The following ARHGAP10 variants were observed in gnomAD, a reference collection of about 807,000 sequenced individuals.
The protein encoded by ARHGAP10 is Rho GTPase activating protein 10, also known as rho GTPase-activating protein 10.
In ARHGAP10, 87 loss-of-function variants were observed where a neutral mutation model predicts 108.6. The ratio of observed to expected loss-of-function variants is 0.80; its 90% CI spans 0.67 to 0.96. The LOEUF is 0.96. Among genes scored for constraint, ARHGAP10 ranks in the 40% least tolerant of loss-of-function variants. The pLI is 0.00. For missense variants in ARHGAP10, 939 were observed against 954.5 expected, an observed-to-expected ratio of 0.98 and a Z score of 0.21; for synonymous variants, 347 against 341.1, an observed-to-expected ratio of 1.02 and a Z score of -0.19.
At chr4:147,943,135 G>C (rs867541694) in intron 14 of ARHGAP10, among the ~76,000 whole-genome samples, 1 of 152,198 alleles carries the variant, frequency 6.6e-6, no homozygotes, top group Non-Finnish European at 1.5e-5. Context: ...AGGTAGAATT[G>C]TTATACATTC....
At chr4:147,824,801 A>G (rs1171517783) in intron 3 of ARHGAP10, among the ~76,000 whole-genome samples, 1 of 152,176 alleles carries the variant, frequency 6.6e-6, no homozygotes, top group Admixed American at 6.5e-5. Flanking sequence ...GGGATTATGG[A>G]GTTTACGCTT....
intron 13 of ARHGAP10, among the ~76,000 whole-genome samples, chr4:147,926,067 TG>T: frequency 6.6e-6 from 1 of 152,134 alleles, no homozygotes; most frequent in South Asian, 2.1e-4. Context: ...GGGGTGGTGT[TG>T]GTAGTGGTGA....
chr4:148,043,752 A>ATATGTGTATG (rs1380143837), intron 19 of ARHGAP10, among the ~76,000 whole-genome samples: 2 of 142,670 alleles, frequency 1.4e-5, no homozygotes, highest in African/African-American at 5.3e-5. Flanking sequence ...ATATGTATAT[A>ATATGTGTATG]TGTATATATA....
At chr4:147,897,935 G>C (rs1352387937) in intron 10 of ARHGAP10, among the ~76,000 whole-genome samples, 1 of 152,052 alleles carries the variant, frequency 6.6e-6, no homozygotes, top group Non-Finnish European at 1.5e-5. Flanking sequence ...CTCACTGCTA[G>C]CTCTGCCTCC....
chr4:148,059,439 T>A (rs531210445), intron 20 of ARHGAP10, among the ~76,000 whole-genome samples: 1 of 152,250 alleles, frequency 6.6e-6, no homozygotes, highest in African/African-American at 2.4e-5. Context: ...AATCCGTAGT[T>A]AAAGGGACAA....
At chr4:147,732,894 G>A (rs1053418371) in intron 1 of ARHGAP10, among the ~76,000 whole-genome samples, 15 of 152,202 alleles carry the variant, frequency 9.9e-5, no homozygotes, top group Non-Finnish European at 2.2e-4. Flanking sequence ...ATTTCTTGGG[G>A]ATTCTTTGAA....
chr4:147,749,298 T>A (rs1173179630), intron 1 of ARHGAP10, among the ~76,000 whole-genome samples: 1 of 152,192 alleles, frequency 6.6e-6, no homozygotes, highest in Non-Finnish European at 1.5e-5. Context: ...AAAATTTAGA[T>A]TAAAATACTT....
intron 3 of ARHGAP10, among the ~76,000 whole-genome samples, chr4:147,842,761 TTGTC>T (rs745640958): frequency 4.6e-5 from 7 of 152,178 alleles, no homozygotes; most frequent in Non-Finnish European, 8.8e-5. Context: ...TGCCAGCACT[TTGTC>T]TGCCACGTCA....
In ARHGAP10 at chr4:147,955,486, G is replaced by T. The variant is rs960056009; in HGVS notation, c.1450+112G>T. The T allele has an allele frequency of 7.5e-6, 7 of 927,234 alleles. No individual in the cohort carries two copies. In the African/African-American group the frequency reaches 1.0e-4, roughly 13 times the overall value. The allele number at this position is 927,234 out of a possible 1,614,324, so 57.4% of individuals were successfully genotyped here. On this transcript the variant is annotated intron_variant, in intron 16 of 22. Transcript: ENST00000336498. Reference sequence around the variant, plus strand: ...GTTATTGCAGTTTGTGTTAAAAATAGAAATCGCTTTAAATGATGTTTGGTG... The same window carrying T: ...GTTATTGCAGTTTGTGTTAAAAATATAAATCGCTTTAAATGATGTTTGGTG...
At chr4:147,999,610 G>T (rs1452443286) in intron 18 of ARHGAP10, among the ~76,000 whole-genome samples, 1 of 152,230 alleles carries the variant, frequency 6.6e-6, no homozygotes, top group African/African-American at 2.4e-5. Context: ...TCGTAATGGA[G>T]CTGAACACTA....
At chr4:147,852,689 C>A (rs1733918954) in intron 4 of ARHGAP10, among the ~76,000 whole-genome samples, 2 of 147,200 alleles carry the variant, frequency 1.4e-5, no homozygotes. Flanking sequence ...TTTCTGGTCT[C>A]AGAACATCAC....
At chr4:147,901,496 T>C (rs1190947190) in intron 10 of ARHGAP10, among the ~76,000 whole-genome samples, 1 of 152,224 alleles carries the variant, frequency 6.6e-6, no homozygotes, top group Non-Finnish European at 1.5e-5. Context: ...ATTCTTTCCT[T>C]GTGAATGATC....
intron 14 of ARHGAP10, 83 bp downstream of exon 14, chr4:147,939,982 A>G (rs1738110252): frequency 7.8e-7 from 1 of 1,280,756 alleles, no homozygotes; most frequent in Non-Finnish European, 1.1e-6. Flanking sequence ...ATAATAATGT[A>G]GAGAATACTT....
intron 4 of ARHGAP10, among the ~76,000 whole-genome samples, chr4:147,856,557 C>T (rs1734089074): frequency 1.3e-5 from 2 of 152,060 alleles, no homozygotes; most frequent in Admixed American, 6.6e-5. Context: ...ATTTCATGTA[C>T]AAAATTATTA....
chr4:148,051,406 C>A (rs1053221859), intron 20 of ARHGAP10, among the ~76,000 whole-genome samples: 1 of 152,184 alleles, frequency 6.6e-6, no homozygotes, highest in African/African-American at 2.4e-5. Context: ...TTGATGGAGC[C>A]GGGTCCTTGA....
chr4:147,996,595 A>G (rs1740487600), intron 18 of ARHGAP10, among the ~76,000 whole-genome samples: 1 of 152,208 alleles, frequency 6.6e-6, no homozygotes, highest in Non-Finnish European at 1.5e-5. Context: ...GTGTGTTAGC[A>G]AAACCACAGC....
At chr4:147,886,284 A>G (rs1367544032) in intron 10 of ARHGAP10, among the ~76,000 whole-genome samples, 1 of 152,212 alleles carries the variant, frequency 6.6e-6, no homozygotes, top group Non-Finnish European at 1.5e-5. Context: ...ATGGCTTCAG[A>G]TGATGCTTTC....
intron 1 of ARHGAP10, among the ~76,000 whole-genome samples, chr4:147,749,916 T>A (rs1259090241): frequency 6.6e-6 from 1 of 152,258 alleles, no homozygotes; most frequent in Non-Finnish European, 1.5e-5. Flanking sequence ...AACAGCCATG[T>A]ATCCAGAAAC....
chr4:148,013,253 T>C (rs1014194213), intron 18 of ARHGAP10, among the ~76,000 whole-genome samples: 1 of 152,196 alleles, frequency 6.6e-6, no homozygotes, highest in Non-Finnish European at 1.5e-5. Context: ...GATTCTCTCT[T>C]AAATATGTAA....
Sources: allele counts gnomAD v4.1 joint callset (sites outside exome capture counted in the v4.1 genomes callset), GRCh38; gene constraint gnomAD v4.1.1; transcripts MANE v1.5; gene names NCBI Gene and HGNC (gene_info 2026-07-23, HGNC 2026-07-21).